Variants in XDH observed in about 807,000 individuals in gnomAD.
XDH encodes xanthine dehydrogenase.
XDH carries 138 observed loss-of-function variants against 156.1 expected under a neutral mutation model. That is an observed-to-expected ratio of 0.88 (90% confidence interval 0.77 to 1.02). The LOEUF (loss-of-function observed/expected upper bound fraction) is 1.02. Ranked by LOEUF, XDH falls within the 50% of genes least tolerant of loss-of-function variation. The pLI is 0.00. For synonymous variants in XDH, 669 were observed against 625.7 expected (o/e 1.07, Z -1.03); for missense variants, 1,849 against 1,684.9 (o/e 1.10, Z -1.71).
intron 24 of XDH, among the ~76,000 whole-genome samples, chr2:31,360,853 T>C (rs1479483291): frequency 6.7e-6 from 1 of 148,656 alleles, no homozygotes; most frequent in South Asian, 2.1e-4. Flanking sequence ...GGGAGATGAC[T>C]GTATAACAAG....
intron 24 of XDH, among the ~76,000 whole-genome samples, chr2:31,353,307 A>C (rs1685536387): frequency 6.6e-6 from 1 of 152,128 alleles, no homozygotes; most frequent in African/African-American, 2.4e-5. Context: ...ACTGAGACTA[A>C]ATATAAAAGC....
intron 9 of XDH, among the ~76,000 whole-genome samples, chr2:31,386,049 C>A (rs1686582863): frequency 6.6e-6 from 1 of 152,206 alleles, no homozygotes; most frequent in African/African-American, 2.4e-5. Context: ...GCTCGGTGCT[C>A]TGTAAATGTT....
chr2:31,397,863 CTCTT>C, intron 5 of XDH, 134 bp from the exon 6 acceptor site: 2 of 977,870 alleles, frequency 2.0e-6, no homozygotes, highest in Non-Finnish European at 3.2e-6. Context: ...TCTGGAAGGC[CTCTT>C]GGCCTTCTCA....
At position 31,397,650 on chromosome 2, in the gene XDH, T is replaced by C. The variant is rs2148003110; in HGVS notation, c.495+18A>G. On this transcript the variant is annotated intron_variant, in intron 6 of 35. Coordinates refer to ENST00000379416, the MANE Select transcript of XDH (RefSeq NM_000379.4). ...ATTTTAGAAGCAGAGACACTGATGT[T>C]CTGGGGTCCCCACTTACCCTGGCAA... The C allele has an allele frequency of 6.2e-7, 1 of 1,614,124 alleles. No individual in the cohort carries two copies. Among genetic ancestry groups the C allele is most frequent in the East Asian group, 2.2e-5 (1 of 44,882 alleles).
At chr2:31,354,911 G>A (rs1323915941) in intron 24 of XDH, among the ~76,000 whole-genome samples, 1 of 152,210 alleles carries the variant, frequency 6.6e-6, no homozygotes, top group African/African-American at 2.4e-5. Context: ...TTCAAGATAT[G>A]TAAACCTACA....
chr2:31,346,803 T>C lies in XDH; in HGVS notation c.3317A>G (p.Lys1106Arg). The change falls in exon 30 of 36, where the codon AAG (lysine) becomes AGG (arginine). Residue 1106 changes from lysine to arginine, a missense_variant. Physicochemically the swap from Lys to Arg is conservative, Grantham distance 26. Coordinates refer to ENST00000379416, the MANE Select transcript of XDH (RefSeq NM_000379.4). The part of the protein sequence containing the change: ...QTILKRLEPY[K>R]KKNPSGSWED... ...CCAGGAGCCACTGGGATTCTTCTTC[T>C]TGTAGGGTTCCAGCCTTTTCAAGAT... is the stretch of plus-strand genomic sequence containing the variant. 4 of 1,614,160 alleles carry C rather than the reference T, an allele frequency of 2.5e-6. No homozygotes were observed. Among genetic ancestry groups the C allele is most frequent in the Admixed American group, 1.7e-5 (1 of 60,012 alleles).
intron 28 of XDH, 34 bp from the exon 29 acceptor site, chr2:31,347,684 G>T (rs372298461): frequency 8.0e-5 from 129 of 1,605,212 alleles, no homozygotes; most frequent in Non-Finnish European, 1.0e-4. Flanking sequence ...CTCTAGGGAA[G>T]GGGTTATCAT....
At chr2:31,339,342 C>G in intron 34 of XDH, 147 bp downstream of exon 34, 5 of 1,117,422 alleles carry the variant, frequency 4.5e-6, no homozygotes, top group Non-Finnish European at 6.6e-6. Flanking sequence ...CCCACTGCCC[C>G]TACCAAGGTC....
rs551891886 is a variant in XDH at position 31,361,239 on chromosome 2, G to A, written c.2631+2919C>T. Among the ~76,000 whole-genome samples the A allele has an allele frequency of 1.4e-4, 22 of 152,356 alleles. No homozygotes were observed. In the South Asian group the frequency reaches 4.3e-3, roughly 30 times the overall value. On this transcript the variant is annotated intron_variant, in intron 24 of 35. Transcript: ENST00000379416. Reference sequence around the variant, plus strand: ...GCAATCTTTACTATTCCAACTTGCTGAGAACCATGTCAGATGTTGCCTTCA... The same window carrying A: ...GCAATCTTTACTATTCCAACTTGCTAAGAACCATGTCAGATGTTGCCTTCA...
At chr2:31,401,355 A>G (rs1390883468) in intron 3 of XDH, 27 bp from the exon 4 acceptor site, 1 of 1,611,734 alleles carries the variant, frequency 6.2e-7, no homozygotes, top group East Asian at 2.2e-5. Flanking sequence ...AGGTCATTCC[A>G]TTTATTGTCC....
rs1358863416 is a variant in XDH at position 31,375,375 on chromosome 2, C to T, written c.1602+5G>A. ...AGAGCCTGTGCCTGGCCAGGCCCCA[C>T]TCACGTCTTCCAGGTTCTCTTGGCC... is the stretch of plus-strand genomic sequence containing the variant. On this transcript the variant is annotated splice_donor_5th_base_variant and intron_variant, in intron 15 of 35. Coordinates refer to ENST00000379416, the MANE Select transcript of XDH (RefSeq NM_000379.4). The T allele has an allele frequency of 2.0e-5, 33 of 1,614,186 alleles. No homozygotes were observed. The highest frequency in any genetic ancestry group is 2.7e-5 in the Non-Finnish European group (32 of 1,180,038).
chr2:31,407,033 A>G (rs926451152), intron 1 of XDH, among the ~76,000 whole-genome samples: 2 of 152,208 alleles, frequency 1.3e-5, no homozygotes, highest in Admixed American at 6.5e-5. Context: ...CACATTACCA[A>G]AGCTTAAAAG....
intron 5 of XDH, 98 bp from the exon 6 acceptor site, chr2:31,397,827 C>G (rs928651415): frequency 8.8e-6 from 12 of 1,367,412 alleles, no homozygotes; most frequent in Non-Finnish European, 1.3e-5. Flanking sequence ...GCTCTCTTTA[C>G]CAGGCTGCAT....
chr2:31,361,915 T>C (rs1175870010), intron 24 of XDH, among the ~76,000 whole-genome samples: 3 of 152,168 alleles, frequency 2.0e-5, no homozygotes, highest in Admixed American at 2.0e-4. Context: ...TTCAGATTAA[T>C]CTTTCATGTG....
chr2:31,374,240 T>G (rs1345996968), intron 15 of XDH, among the ~76,000 whole-genome samples: 3 of 152,216 alleles, frequency 2.0e-5, no homozygotes, highest in African/African-American at 4.8e-5. Flanking sequence ...CTTGCATTTA[T>G]GCCTGCTGCT....
intron 24 of XDH, among the ~76,000 whole-genome samples, chr2:31,360,882 T>G (rs1835170): frequency 0.27 from 40,410 of 152,082 alleles, 6,596 homozygotes; most frequent in African/African-American, 0.46. Flanking sequence ...TACTATCTGA[T>G]GTTTCAGGCA....
At chr2:31,348,867 C>A (rs780301123) in intron 27 of XDH, 32 bp downstream of exon 27, 10 of 1,590,358 alleles carry the variant, frequency 6.3e-6, no homozygotes, top group Admixed American at 1.7e-5. Flanking sequence ...CCCAGTCCAG[C>A]GGAGATGGAC....
chr2:31,414,133 T>C (rs1447520426), intron 1 of XDH, among the ~76,000 whole-genome samples: 1 of 152,152 alleles, frequency 6.6e-6, no homozygotes, highest in Non-Finnish European at 1.5e-5. Context: ...GGACTGGCTG[T>C]TAAACCTATA....
intron 11 of XDH, among the ~76,000 whole-genome samples, chr2:31,381,934 T>C (rs1278267142): frequency 2.0e-5 from 3 of 152,144 alleles, no homozygotes; most frequent in Non-Finnish European, 4.4e-5. Flanking sequence ...TGAGATTGGA[T>C]CCCCACTCTA....
Sources: gnomAD v4.1 joint callset for allele counts (sites outside exome capture counted in the v4.1 genomes callset) on GRCh38, gnomAD v4.1.1 for gene constraint, MANE v1.5 for transcripts, NCBI Gene and HGNC (gene_info 2026-07-23, HGNC 2026-07-21) for gene names.